MACROD2: variants seen among roughly 807,000 people sequenced by gnomAD.
MACROD2 encodes the protein mono-ADP ribosylhydrolase 2.
MACROD2 carries 36 observed loss-of-function variants against 70.4 expected under a neutral mutation model. The observed-to-expected ratio is 0.51, with a 90% CI of 0.39 to 0.68. The LOEUF (loss-of-function observed/expected upper bound fraction) is 0.68, where lower values mean the gene tolerates loss of function less well. Ranked by LOEUF, MACROD2 falls within the 30% of genes least tolerant of loss-of-function variation. The pLI, the probability that MACROD2 is intolerant of heterozygous loss-of-function variation, is 0.00. For missense variants in MACROD2, 496 were observed against 538.4 expected (o/e 0.92, Z 0.78); for synonymous variants, 172 against 178.8 (o/e 0.96, Z 0.30).
chr20:15,890,399 A>T (rs908045236), intron 10 of MACROD2, among the ~76,000 whole-genome samples: 2 of 152,202 alleles, frequency 1.3e-5, no homozygotes, highest in Non-Finnish European at 2.9e-5. Flanking sequence ...GACACATTGC[A>T]GTGACATAGA....
At chr20:14,155,362 T>A (rs2055087312) in intron 3 of MACROD2, among the ~76,000 whole-genome samples, 1 of 152,220 alleles carries the variant, frequency 6.6e-6, no homozygotes, top group Non-Finnish European at 1.5e-5. Flanking sequence ...ATAAGTCGTA[T>A]CTTTTCATGT....
intron 5 of MACROD2, among the ~76,000 whole-genome samples, chr20:15,167,899 T>G (rs954194929): frequency 6.6e-6 from 1 of 152,128 alleles, no homozygotes; most frequent in Non-Finnish European, 1.5e-5. Context: ...TTTTTACCTT[T>G]GCAGAGACCA....
chr20:15,610,633 G>T (rs1471084769), intron 8 of MACROD2, among the ~76,000 whole-genome samples: 4 of 152,144 alleles, frequency 2.6e-5, no homozygotes, highest in Non-Finnish European at 5.9e-5. Flanking sequence ...GCAGTCACAG[G>T]TTCCAGGTGG....
intron 10 of MACROD2, among the ~76,000 whole-genome samples, chr20:15,905,597 G>T (rs569429247): frequency 6.6e-6 from 1 of 152,280 alleles, no homozygotes; most frequent in South Asian, 2.1e-4. Context: ...GACATTTGAG[G>T]ACTTATAATA....
At chr20:15,363,113 C>T (rs993054674) in intron 6 of MACROD2, among the ~76,000 whole-genome samples, 3 of 152,166 alleles carry the variant, frequency 2.0e-5, no homozygotes, top group Non-Finnish European at 2.9e-5. Context: ...GTTATTCCTT[C>T]GTTTGTTTGT....
chr20:14,377,722 A>G (rs2083385272), intron 3 of MACROD2, among the ~76,000 whole-genome samples: 1 of 152,168 alleles, frequency 6.6e-6, no homozygotes, highest in Non-Finnish European at 1.5e-5. Flanking sequence ...CTTAATTCAC[A>G]TTTGTATAGC....
At chr20:14,622,427 A>G (rs956848342) in intron 4 of MACROD2, among the ~76,000 whole-genome samples, 7 of 152,208 alleles carry the variant, frequency 4.6e-5, no homozygotes, top group African/African-American at 1.2e-4. Context: ...ACCAGGAACT[A>G]GGAACATAGG....
At chr20:14,690,469 T>A (rs2071050443) in intron 5 of MACROD2, among the ~76,000 whole-genome samples, 2 of 152,232 alleles carry the variant, frequency 1.3e-5, no homozygotes, top group African/African-American at 4.8e-5. Flanking sequence ...TAATAATTAG[T>A]ACTTCTTTTC....
chr20:15,892,149 G>A (rs2064898968), intron 10 of MACROD2, among the ~76,000 whole-genome samples: 1 of 152,146 alleles, frequency 6.6e-6, no homozygotes, highest in African/African-American at 2.4e-5. Context: ...AGCACAGCAG[G>A]GGTGGTGAAG....
At chr20:15,073,262 A>AG (rs2075632595) in intron 5 of MACROD2, among the ~76,000 whole-genome samples, 1 of 152,136 alleles carries the variant, frequency 6.6e-6, no homozygotes, top group Non-Finnish European at 1.5e-5. Context: ...AACTATGAAT[A>AG]TGTCTCCAAC....
chr20:14,170,890 TC>T (rs925389416), intron 3 of MACROD2, among the ~76,000 whole-genome samples: 13 of 152,230 alleles, frequency 8.5e-5, no homozygotes, highest in Admixed American at 7.9e-4. Flanking sequence ...TCCCTCTTTA[TC>T]TTGTGAAGTA....
intron 6 of MACROD2, among the ~76,000 whole-genome samples, chr20:15,241,941 CTTTA>C (rs1247313030): frequency 6.6e-6 from 1 of 151,982 alleles, no homozygotes; most frequent in South Asian, 2.1e-4. Context: ...TAGGTTCAGG[CTTTA>C]TTTTTTTTCC....
chr20:14,337,375 T>C, intron 3 of MACROD2: 1 of 284,268 alleles, frequency 3.5e-6, no homozygotes, highest in Non-Finnish European at 6.4e-6. Context: ...TCTGGGACAA[T>C]CATAAGAAAA....
chr20:14,763,726 G>A (rs549974720), intron 5 of MACROD2, among the ~76,000 whole-genome samples: 2 of 152,096 alleles, frequency 1.3e-5, no homozygotes, highest in Non-Finnish European at 2.9e-5. Flanking sequence ...AGGTTAAAAG[G>A]AAGAGGAAGG....
At chr20:15,877,184 C>T (rs2064687788) in intron 9 of MACROD2, among the ~76,000 whole-genome samples, 1 of 152,224 alleles carries the variant, frequency 6.6e-6, no homozygotes, top group Non-Finnish European at 1.5e-5. Context: ...CTCTGGTGTA[C>T]TTGCTTGCAC....
chr20:14,571,639 T>G (rs936939837), intron 4 of MACROD2, among the ~76,000 whole-genome samples: 11 of 152,112 alleles, frequency 7.2e-5, no homozygotes, highest in Non-Finnish European at 1.5e-4. Flanking sequence ...AGGAGGGTCT[T>G]AAGCATTTTT....
At chr20:14,736,030 T>C (rs2071660429) in intron 5 of MACROD2, among the ~76,000 whole-genome samples, 1 of 152,124 alleles carries the variant, frequency 6.6e-6, no homozygotes, top group African/African-American at 2.4e-5. Context: ...ACACAAATGT[T>C]TATAGCAGCA....
At chr20:15,780,070 G>C (rs1379415507) in intron 8 of MACROD2, among the ~76,000 whole-genome samples, 6 of 151,816 alleles carry the variant, frequency 4.0e-5, no homozygotes. Flanking sequence ...TGTCTTCTCA[G>C]GGAATTGCCT....
intron 8 of MACROD2, among the ~76,000 whole-genome samples, chr20:15,677,353 A>G (rs59907076): frequency 0.25 from 37,505 of 151,954 alleles, 5,285 homozygotes; most frequent in African/African-American, 0.39. Flanking sequence ...AATCAACGAT[A>G]GAAACTCGGG....
Sources: gnomAD v4.1 joint callset for allele counts (sites outside exome capture counted in the v4.1 genomes callset) on GRCh38, gnomAD v4.1.1 for gene constraint, MANE v1.5 for transcripts, NCBI Gene and HGNC (gene_info 2026-07-23, HGNC 2026-07-21) for gene names.